Variants in POLB observed in about 807,000 individuals in gnomAD.
POLB encodes the protein DNA polymerase beta, also known as 5'-dRP lyase.
POLB carries 37 observed loss-of-function variants against 52.7 expected under a neutral mutation model. The ratio of observed to expected loss-of-function variants is 0.70; its 90% confidence interval spans 0.54 to 0.92. The LOEUF (loss-of-function observed/expected upper bound fraction) is 0.92. Among genes scored for constraint, POLB ranks in the 40% least tolerant of loss-of-function variants. The pLI, the probability that POLB is intolerant of heterozygous loss-of-function variation, is 0.00. For missense variants in POLB, 313 were observed against 400.8 expected (o/e 0.78, Z 1.87); for synonymous variants, 138 against 131.3 (o/e 1.05, Z -0.35).
intron 3 of POLB, 41 bp downstream of exon 3, chr8:42,345,060 T>C: frequency 2.1e-6 from 3 of 1,436,858 alleles, no homozygotes; most frequent in Non-Finnish European, 2.9e-6. Flanking sequence ...TTCACACGTG[T>C]CCAAATTTGG....
At chr8:42,340,268 T>C (rs1345407952) in intron 2 of POLB, 1 of 152,234 alleles carries the variant, frequency 6.6e-6, no homozygotes, top group Non-Finnish European at 1.5e-5. Context: ...AAAATCTGGA[T>C]GATTGCCGAC....
chr8:42,360,601 A>C (rs1271537213), intron 9 of POLB, among the ~76,000 whole-genome samples: 1 of 152,216 alleles, frequency 6.6e-6, no homozygotes, highest in East Asian at 1.9e-4. Context: ...AAAATGAAAA[A>C]ATTCCATCTC....
rs566440194 is a variant in POLB, at chr8:42,339,296, C to A, written c.119+227C>A. The A allele has an allele frequency of 6.4e-5, 34 of 534,082 alleles. No individual in the cohort carries two copies. In the South Asian group the frequency reaches 7.1e-4, roughly 11 times the overall value. The allele number at this position is 534,082 out of a possible 1,614,324, so 33.1% of individuals were successfully genotyped here. On this transcript the variant is annotated intron_variant, in intron 2 of 13. Coordinates refer to ENST00000265421, the MANE Select transcript of POLB (RefSeq NM_002690.3). ...GATTGCAGATAGCTGTAGCCTGATACGTATTTTGTCATCATCAAACATGAA... is the reference window on the plus strand; with the variant it reads ...GATTGCAGATAGCTGTAGCCTGATAAGTATTTTGTCATCATCAAACATGAA...
chr8:42,367,127 C>T (rs1169623596), intron 11 of POLB, among the ~76,000 whole-genome samples: 1 of 152,340 alleles, frequency 6.6e-6, no homozygotes, highest in East Asian at 1.9e-4. Flanking sequence ...TCAGCAAATA[C>T]ATACAAGCAT....
intron 9 of POLB, 35 bp from the exon 10 acceptor site, chr8:42,361,260 A>G: frequency 4.0e-6 from 6 of 1,505,538 alleles, no homozygotes; most frequent in Non-Finnish European, 5.6e-6. Context: ...ATACATTTAC[A>G]TGGACAATCT....
At chr8:42,369,440 T>G in intron 12 of POLB, 105 bp downstream of exon 12, 1 of 661,882 alleles carries the variant, frequency 1.5e-6, no homozygotes. Flanking sequence ...TAGAGCCTTT[T>G]TTTACTCCCA....
intron 7 of POLB, among the ~76,000 whole-genome samples, chr8:42,355,838 T>C (rs1446014308): frequency 1.3e-5 from 2 of 152,204 alleles, no homozygotes; most frequent in African/African-American, 4.8e-5. Flanking sequence ...GGACTGAGTG[T>C]ATCAGGCAGT....
At chr8:42,358,822 G>C (rs1191270897) in intron 9 of POLB, among the ~76,000 whole-genome samples, 22 of 152,146 alleles carry the variant, frequency 1.4e-4, no homozygotes, top group Non-Finnish European at 1.5e-5. Flanking sequence ...CTCGCAAAAT[G>C]AGAGAACTGA....
At chr8:42,343,558 C>CT (rs2130780165) in intron 2 of POLB, among the ~76,000 whole-genome samples, 1 of 150,646 alleles carries the variant, frequency 6.6e-6, no homozygotes, top group East Asian at 2.0e-4. Context: ...GATCTGGTGT[C>CT]TAATAATTCA....
intron 2 of POLB, chr8:42,339,343 T>G: frequency 2.2e-6 from 1 of 463,154 alleles, no homozygotes; most frequent in Non-Finnish European, 3.9e-6. Flanking sequence ...GCGGTGTAAT[T>G]TTAACCGTAA....
chr8:42,365,989 AC>A (rs537711856), intron 11 of POLB, among the ~76,000 whole-genome samples: 1 of 152,116 alleles, frequency 6.6e-6, no homozygotes, highest in African/African-American at 2.4e-5. Context: ...AGTCCCAGCT[AC>A]TGGGGAGGCT....
At chr8:42,354,736 G>A (rs555716049) in intron 6 of POLB, among the ~76,000 whole-genome samples, 1 of 152,042 alleles carries the variant, frequency 6.6e-6, no homozygotes, top group South Asian at 2.1e-4. Context: ...TGGAGACAGA[G>A]TTTCACCATG....
intron 10 of POLB, among the ~76,000 whole-genome samples, chr8:42,361,875 C>T (rs541414861): frequency 1.3e-5 from 2 of 152,180 alleles, no homozygotes; most frequent in East Asian, 1.9e-4. Context: ...TTTTTACAAT[C>T]GTAATACCTT....
chr8:42,370,823 G>A (rs3136809), intron 13 of POLB, among the ~76,000 whole-genome samples: 2,110 of 152,296 alleles, frequency 0.014, 49 homozygotes, highest in African/African-American at 0.048. Flanking sequence ...ACATCTCATC[G>A]TGTTTTAAGA....
In POLB at chr8:42,371,700, AATTT is replaced by A; in HGVS notation, c.*48_*51del. ...GCAGACACAACCCAATAGGAGTCTT[AATTT>A]ATTTCTTAACCTTTGCTATGTAAGG... is the stretch of plus-strand genomic sequence containing the variant. On this transcript the variant is annotated 3_prime_UTR_variant, in exon 14 of 14. Transcript: ENST00000265421. 8.9e-7 allele frequency: 1 copy of A among 1,126,422 alleles called. No individual in the cohort carries two copies. Among genetic ancestry groups the A allele is most frequent in the South Asian group, 1.2e-5 (1 of 80,614 alleles). The allele number at this position is 1,126,422 out of a possible 1,614,324, so 69.8% of individuals were successfully genotyped here.
At chr8:42,370,651 G>A (rs1824324282) in intron 13 of POLB, among the ~76,000 whole-genome samples, 1 of 152,120 alleles carries the variant, frequency 6.6e-6, no homozygotes, top group African/African-American at 2.4e-5. Flanking sequence ...GGCTTGCAGT[G>A]GGGCTCAGGA....
chr8:42,355,138 A>C (rs1823225889), intron 6 of POLB, among the ~76,000 whole-genome samples: 1 of 151,648 alleles, frequency 6.6e-6, no homozygotes, highest in Non-Finnish European at 1.5e-5. Flanking sequence ...TCCCAGGTTC[A>C]AGCGATTCTC....
chr8:42,368,433 A>G (rs1824174829), intron 11 of POLB, among the ~76,000 whole-genome samples: 1 of 152,178 alleles, frequency 6.6e-6, no homozygotes, highest in Admixed American at 6.5e-5. Flanking sequence ...GGCATGTGTT[A>G]ACTTGACCAC....
At chr8:42,367,622 C>T (rs1374598196) in intron 11 of POLB, among the ~76,000 whole-genome samples, 1 of 152,186 alleles carries the variant, frequency 6.6e-6, no homozygotes, top group Non-Finnish European at 1.5e-5. Flanking sequence ...TCACCACTTA[C>T]TAGTCTTAAA....
Sources: gnomAD v4.1 joint callset for allele counts (sites outside exome capture counted in the v4.1 genomes callset) on GRCh38, gnomAD v4.1.1 for gene constraint, MANE v1.5 for transcripts, NCBI Gene and HGNC (gene_info 2026-07-23, HGNC 2026-07-21) for gene names.